DSCAM: variants seen among roughly 807,000 people sequenced by gnomAD.
The protein encoded by DSCAM is cell adhesion molecule DSCAM.
A neutral mutation model predicts 217.7 loss-of-function variants in DSCAM; 47 were observed. The ratio of observed to expected loss-of-function variants is 0.22; its 90% confidence interval spans 0.17 to 0.28. The LOEUF is 0.28. Among genes scored for constraint, DSCAM ranks in the 10% least tolerant of loss-of-function variants. DSCAM has a pLI of 1.00. For missense variants in DSCAM, 2,080 were observed against 2,618.3 expected, an observed-to-expected ratio of 0.79 and a Z score of 4.49; for synonymous variants, 1,056 against 1,015.3, an observed-to-expected ratio of 1.04 and a Z score of -0.76.
chr21:40,032,362 T>G (rs1436951348), intron 32 of DSCAM, among the ~76,000 whole-genome samples: 1 of 152,100 alleles, frequency 6.6e-6, no homozygotes, highest in Non-Finnish European at 1.5e-5. Context: ...CTCAACAAAG[T>G]CAAAGCCCTA....
At chr21:40,338,455 G>A (rs950961445) in intron 7 of DSCAM, 79 bp from the exon 8 acceptor site, 8 of 1,404,876 alleles carry the variant, frequency 5.7e-6, no homozygotes, top group Admixed American at 2.4e-5. Flanking sequence ...TTTTCCTTGA[G>A]TTAAAAATGT....
At chr21:40,172,736 T>C (rs1006322223) in intron 15 of DSCAM, among the ~76,000 whole-genome samples, 5 of 152,360 alleles carry the variant, frequency 3.3e-5, no homozygotes, top group Non-Finnish European at 5.9e-5. Flanking sequence ...CTGGTTCTGA[T>C]TGGGAGATTT....
At chr21:40,339,824 C>T (rs767163342) in intron 6 of DSCAM, among the ~76,000 whole-genome samples, 2 of 37,972 alleles carry the variant, frequency 5.3e-5, no homozygotes, top group Non-Finnish European at 8.0e-5. Context: ...AAAGTGATTG[C>T]AAAAAGTAAT....
At chr21:40,439,871 TAATTA>T (rs1292033475) in intron 3 of DSCAM, among the ~76,000 whole-genome samples, 1 of 152,078 alleles carries the variant, frequency 6.6e-6, no homozygotes, top group Non-Finnish European at 1.5e-5. Flanking sequence ...CCTGCCCCCA[TAATTA>T]AATTACCTCC....
At chr21:40,623,899 T>C (rs1054227420) in intron 3 of DSCAM, among the ~76,000 whole-genome samples, 10 of 152,232 alleles carry the variant, frequency 6.6e-5, no homozygotes, top group Non-Finnish European at 8.8e-5. Context: ...TTGATAATGA[T>C]ATTCACCATT....
chr21:40,152,852 C>T (rs1365553204), intron 16 of DSCAM, among the ~76,000 whole-genome samples: 2 of 152,212 alleles, frequency 1.3e-5, no homozygotes, highest in African/African-American at 2.4e-5. Flanking sequence ...CAGCCATGTT[C>T]TGTTTCCCTC....
chr21:40,285,751 T>A (rs2073816460), intron 10 of DSCAM, among the ~76,000 whole-genome samples: 1 of 152,354 alleles, frequency 6.6e-6, no homozygotes, highest in East Asian at 1.9e-4. Context: ...TATCGGACTT[T>A]GAACTTGGGT....
At chr21:40,622,421 A>T (rs1466260786) in intron 3 of DSCAM, among the ~76,000 whole-genome samples, 3 of 151,960 alleles carry the variant, frequency 2.0e-5, no homozygotes, top group African/African-American at 7.3e-5. Flanking sequence ...CATAAATTCC[A>T]CCTGTCATAG....
At chr21:40,153,731 G>T (rs1365233352) in intron 16 of DSCAM, among the ~76,000 whole-genome samples, 1 of 152,162 alleles carries the variant, frequency 6.6e-6, no homozygotes, top group Non-Finnish European at 1.5e-5. Context: ...GGTGGAGCCT[G>T]GTGAGGTGTG....
intron 20 of DSCAM, among the ~76,000 whole-genome samples, chr21:40,118,783 C>T (rs193113563): frequency 1.4e-4 from 22 of 152,320 alleles, no homozygotes; most frequent in African/African-American, 3.4e-4. Flanking sequence ...ACACCCAGTC[C>T]GCGCTCCTGC....
intron 1 of DSCAM, among the ~76,000 whole-genome samples, chr21:40,804,166 C>T (rs1371414918): frequency 1.3e-5 from 2 of 152,174 alleles, no homozygotes; most frequent in Non-Finnish European, 2.9e-5. Context: ...GTCCTGTCCA[C>T]AGGGATAGGG....
intron 3 of DSCAM, among the ~76,000 whole-genome samples, chr21:40,609,020 T>A (rs1568935352): frequency 1.3e-5 from 2 of 152,154 alleles, no homozygotes; most frequent in Non-Finnish European, 2.9e-5. Context: ...AGTGGCACAA[T>A]CATGGCTCAC....
intron 3 of DSCAM, among the ~76,000 whole-genome samples, chr21:40,547,076 C>G (rs2076589262): frequency 6.6e-6 from 1 of 152,172 alleles, no homozygotes; most frequent in South Asian, 2.1e-4. Flanking sequence ...AGCAGCCCAA[C>G]CTTGGTCATG....
At position 40,013,191 on chromosome 21, in the gene DSCAM, T is replaced by G; in HGVS notation, c.5882A>C (p.Gln1961Pro). 1 of 1,613,754 alleles carries G rather than the reference T, an allele frequency of 6.2e-7. No individual in the cohort carries two copies. Among genetic ancestry groups the G allele is most frequent in the Admixed American group, 1.7e-5 (1 of 59,980 alleles). Residue 1961 changes from glutamine (Q) to proline (P), a missense_variant, in exon 33 of 33, where the codon CAG becomes CCG. Around this residue, in one of 5 missense-constraint regions of DSCAM, gnomAD observed 145 missense variants for 138.5 expected, o/e 1.05. Transcript: ENST00000400454. ...ASSASSTREGQSWQPGAVATL... is the reference protein window; with the variant it reads ...ASSASSTREGPSWQPGAVATL... ...GGCCACGGCCCCCGGCTGCCACGAC[T>G]GTCCTTCTCTCGTGGAGGAGGCGGA...
chr21:40,574,732 G>A (rs1372412447), intron 3 of DSCAM, among the ~76,000 whole-genome samples: 4 of 141,390 alleles, frequency 2.8e-5, no homozygotes, highest in Admixed American at 7.2e-5. Flanking sequence ...TTTTTGAGAC[G>A]GAGACTTGCT....
At chr21:40,083,102 A>G (rs1387430747) in intron 24 of DSCAM, among the ~76,000 whole-genome samples, 4 of 152,074 alleles carry the variant, frequency 2.6e-5, no homozygotes, top group Non-Finnish European at 5.9e-5. Flanking sequence ...AACTCCACCC[A>G]CACTAGAACG....
chr21:40,030,030 TCA>T (rs1018756449), intron 32 of DSCAM, among the ~76,000 whole-genome samples: 6 of 152,154 alleles, frequency 3.9e-5, no homozygotes, highest in African/African-American at 1.4e-4. Flanking sequence ...ACATACACAT[TCA>T]CACACAAGTA....
At chr21:40,581,887 G>T (rs1044732410) in intron 3 of DSCAM, among the ~76,000 whole-genome samples, 2 of 151,934 alleles carry the variant, frequency 1.3e-5, no homozygotes, top group Non-Finnish European at 2.9e-5. Context: ...ACAAAGTAAC[G>T]CAATCAAACA....
chr21:40,048,786 A>G (rs2088882844), intron 30 of DSCAM, among the ~76,000 whole-genome samples: 1 of 152,228 alleles, frequency 6.6e-6, no homozygotes, highest in Non-Finnish European at 1.5e-5. Context: ...TCACAGAGGT[A>G]TAAACACCTG....
Sources: gnomAD v4.1 joint callset for allele counts (sites outside exome capture counted in the v4.1 genomes callset) on GRCh38, gnomAD v4.1.1 for gene constraint, gnomAD v4.1.1 regional missense constraint, MANE v1.5 for transcripts, NCBI Gene and HGNC (gene_info 2026-07-23, HGNC 2026-07-21) for gene names.